Variants in SUPT3H observed in about 807,000 individuals in gnomAD.
SUPT3H encodes transcription initiation protein SPT3 homolog.
SUPT3H carries 44 observed loss-of-function variants against 44.3 expected under a neutral mutation model. The observed-to-expected ratio is 0.99, with a 90% CI of 0.78 to 1.28. The LOEUF (loss-of-function observed/expected upper bound fraction) is 1.28. SUPT3H is among the 50% of genes most tolerant of loss of function. The probability of loss-of-function intolerance (pLI) is 0.00; values close to 1 mark genes in which losing one functional copy is unlikely to be tolerated. For synonymous variants in SUPT3H, 124 were observed against 125.6 expected (o/e 0.99, Z 0.09); for missense variants, 380 against 387.1 (o/e 0.98, Z 0.15).
At chr6:45,077,611 A>G (rs1795168145) in intron 3 of SUPT3H, among the ~76,000 whole-genome samples, 1 of 77,070 alleles carries the variant, frequency 1.3e-5, no homozygotes, top group South Asian at 5.1e-4. Flanking sequence ...TAGGTGACAG[A>G]GTGAGACCTT....
At chr6:45,172,187 C>T (rs188085946) in intron 2 of SUPT3H, among the ~76,000 whole-genome samples, 1 of 151,942 alleles carries the variant, frequency 6.6e-6, no homozygotes, top group East Asian at 1.9e-4. Flanking sequence ...ATTCTCCTCC[C>T]TCAGCCTCCA....
At chr6:44,855,243 C>T (rs928087150) in intron 10 of SUPT3H, among the ~76,000 whole-genome samples, 5 of 152,276 alleles carry the variant, frequency 3.3e-5, no homozygotes, top group Admixed American at 6.5e-5. Flanking sequence ...GAGGTGCTGA[C>T]GGGCTTGAGT....
intron 2 of SUPT3H, among the ~76,000 whole-genome samples, chr6:45,228,899 G>A (rs1040702860): frequency 6.6e-6 from 1 of 152,036 alleles, no homozygotes; most frequent in African/African-American, 2.4e-5. Flanking sequence ...CTTGGCCTCT[G>A]AAAGTGCTGG....
chr6:45,023,676 T>G (rs2153519858), intron 3 of SUPT3H, among the ~76,000 whole-genome samples: 1 of 152,202 alleles, frequency 6.6e-6, no homozygotes, highest in Middle Eastern at 3.4e-3. Flanking sequence ...AACCAAATAC[T>G]GCATGTTCTC....
chr6:45,115,995 A>G (rs1800785795), intron 2 of SUPT3H, among the ~76,000 whole-genome samples: 1 of 152,184 alleles, frequency 6.6e-6, no homozygotes, highest in African/African-American at 2.4e-5. Context: ...TGTCAACTCC[A>G]GAACACGACC....
intron 2 of SUPT3H, among the ~76,000 whole-genome samples, chr6:45,181,468 A>G (rs1253277201): frequency 1.3e-5 from 2 of 152,088 alleles, no homozygotes; most frequent in Non-Finnish European, 2.9e-5. Flanking sequence ...AACCAACCCA[A>G]ATGTCCAACA....
At chr6:45,125,565 C>A (rs1346532637) in intron 2 of SUPT3H, among the ~76,000 whole-genome samples, 3 of 151,930 alleles carry the variant, frequency 2.0e-5, no homozygotes, top group Non-Finnish European at 4.4e-5. Context: ...TGCAACGTAT[C>A]CACTTTCTTG....
At chr6:45,234,392 A>G (rs1215027338) in intron 2 of SUPT3H, among the ~76,000 whole-genome samples, 1 of 151,974 alleles carries the variant, frequency 6.6e-6, no homozygotes, top group Non-Finnish European at 1.5e-5. Context: ...TCAGCTGGGC[A>G]TGGTGGTGGG....
intron 10 of SUPT3H, among the ~76,000 whole-genome samples, chr6:44,860,661 TAAC>T (rs1561905078): frequency 6.6e-6 from 1 of 152,156 alleles, no homozygotes; most frequent in African/African-American, 2.4e-5. Flanking sequence ...GTGATTTCAT[TAAC>T]AACAAGAGGC....
At chr6:44,976,973 T>G (rs552860336) in intron 6 of SUPT3H, among the ~76,000 whole-genome samples, 2 of 152,322 alleles carry the variant, frequency 1.3e-5, no homozygotes, top group South Asian at 4.1e-4. Flanking sequence ...GATGATGAAA[T>G]TTCCACTCTC....
intron 9 of SUPT3H, among the ~76,000 whole-genome samples, chr6:44,940,176 G>A (rs576717575): frequency 1.3e-5 from 2 of 151,926 alleles, no homozygotes; most frequent in East Asian, 3.9e-4. Flanking sequence ...TGATATATAG[G>A]CATTTAATGC....
chr6:45,086,375 C>T (rs933581494), intron 3 of SUPT3H, among the ~76,000 whole-genome samples: 1 of 151,962 alleles, frequency 6.6e-6, no homozygotes, highest in Non-Finnish European at 1.5e-5. Flanking sequence ...TCCTTAGGAA[C>T]TCATAGGAAA....
intron 6 of SUPT3H, among the ~76,000 whole-genome samples, chr6:44,968,154 T>A (rs537561213): frequency 6.6e-6 from 1 of 152,076 alleles, no homozygotes; most frequent in Admixed American, 6.6e-5. Flanking sequence ...AAATGCAGAG[T>A]CCTTTTTGCA....
At chr6:45,218,901 A>C (rs186798354) in intron 2 of SUPT3H, among the ~76,000 whole-genome samples, 1 of 152,340 alleles carries the variant, frequency 6.6e-6, no homozygotes, top group Non-Finnish European at 1.5e-5. Context: ...AACATATTTC[A>C]AAGAGTTAAA....
chr6:44,898,543 C>T (rs1353403801), intron 10 of SUPT3H, among the ~76,000 whole-genome samples: 1 of 152,354 alleles, frequency 6.6e-6, no homozygotes, highest in African/African-American at 2.4e-5. Flanking sequence ...CCAAGCTACT[C>T]CCAAATTCCT....
chr6:45,017,286 T>G (rs1361790980), intron 4 of SUPT3H, among the ~76,000 whole-genome samples: 8 of 149,780 alleles, frequency 5.3e-5, no homozygotes, highest in East Asian at 3.9e-4. Flanking sequence ...TTTCTCCCAT[T>G]TTGTAGGTTG....
At chr6:44,870,484 A>G (rs1025607980) in intron 10 of SUPT3H, among the ~76,000 whole-genome samples, 5 of 151,526 alleles carry the variant, frequency 3.3e-5, no homozygotes, top group Non-Finnish European at 5.9e-5. Context: ...CTGTAGTCCC[A>G]GCTACTTGGG....
chr6:44,973,061 T>C (rs772401358), intron 6 of SUPT3H, among the ~76,000 whole-genome samples: 1 of 152,038 alleles, frequency 6.6e-6, no homozygotes, highest in Non-Finnish European at 1.5e-5. Context: ...TCTCAGAAAA[T>C]AGGTTTATCT....
chr6:45,290,547 A>T (rs1780150994), intron 2 of SUPT3H, among the ~76,000 whole-genome samples: 1 of 151,946 alleles, frequency 6.6e-6, no homozygotes, highest in Admixed American at 6.6e-5. Context: ...CACTGTTTTA[A>T]CTATATACTC....
Sources: allele counts gnomAD v4.1 joint callset (sites outside exome capture counted in the v4.1 genomes callset), GRCh38; gene constraint gnomAD v4.1.1; transcripts MANE v1.5; gene names NCBI Gene and HGNC (gene_info 2026-07-23, HGNC 2026-07-21).